ZNF516: variants seen among roughly 807,000 people sequenced by gnomAD.
ZNF516 encodes zinc finger protein 516.
Under a neutral mutation model 79.7 loss-of-function variants are expected in ZNF516, and 19 were observed. The observed-to-expected ratio is 0.24, with a 90% CI of 0.17 to 0.35. The LOEUF (loss-of-function observed/expected upper bound fraction) is 0.35, where lower values mean the gene tolerates loss of function less well. Among genes scored for constraint, ZNF516 ranks in the 10% least tolerant of loss-of-function variants. The probability of loss-of-function intolerance (pLI) is 1.00; values close to 1 mark genes in which losing one functional copy is unlikely to be tolerated. For synonymous variants in ZNF516, 877 were observed against 739.5 expected, an observed-to-expected ratio of 1.19 and a Z score of -3.02; for missense variants, 1,678 against 1,679.5, an observed-to-expected ratio of 1.00 and a Z score of 0.02.
At chr18:76,464,580 C>T (rs1913335767) in intron 1 of ZNF516, among the ~76,000 whole-genome samples, 1 of 150,998 alleles carries the variant, frequency 6.6e-6, no homozygotes, top group Non-Finnish European at 1.5e-5. Context: ...CTCCCTGGCA[C>T]CCCCAGCCTG....
At chr18:76,480,529 A>ATATTTTT (rs374464151) in intron 1 of ZNF516, among the ~76,000 whole-genome samples, 16 of 142,084 alleles carry the variant, frequency 1.1e-4, no homozygotes, top group Middle Eastern at 7.3e-3. Context: ...ACACACATAT[A>ATATTTTT]TTTTTTTTTT....
At chr18:76,414,435 T>C (rs1030706010) in intron 3 of ZNF516, among the ~76,000 whole-genome samples, 1 of 152,232 alleles carries the variant, frequency 6.6e-6, no homozygotes, top group African/African-American at 2.4e-5. Context: ...ACAGAACAAA[T>C]GCCCTCTGTC....
intron 3 of ZNF516, among the ~76,000 whole-genome samples, chr18:76,413,962 C>T (rs991170633): frequency 1.7e-4 from 26 of 152,184 alleles, no homozygotes; most frequent in African/African-American, 6.0e-4. Flanking sequence ...GATTACTAAA[C>T]AGTTCAAGAA....
chr18:76,470,831 A>G (rs562828820), intron 1 of ZNF516, among the ~76,000 whole-genome samples: 2 of 152,264 alleles, frequency 1.3e-5, no homozygotes, highest in South Asian at 2.1e-4. Flanking sequence ...TGGCTAACAC[A>G]GGGAAACCCC....
At chr18:76,492,617 G>C in intron 1 of ZNF516, 1 of 647,432 alleles carries the variant, frequency 1.5e-6, no homozygotes, top group Non-Finnish European at 1.9e-6. Flanking sequence ...TTGCCCGGGC[G>C]AGTGGGTTCC....
At chr18:76,378,770 G>A in intron 4 of ZNF516, 85 bp downstream of exon 4, 2 of 1,507,828 alleles carry the variant, frequency 1.3e-6, no homozygotes, top group Non-Finnish European at 1.8e-6. Flanking sequence ...GACATGGACA[G>A]GCAGGTGCGC....
Position 76,459,957 on chromosome 18 carries a change from C to T in ZNF516, c.-158+3071G>A, listed in dbSNP as rs188049051. 5.3e-5 allele frequency among the ~76,000 whole-genome samples: 8 copies of T among 152,302 alleles called. No individual in the cohort carries two copies. The highest frequency in any genetic ancestry group is 2.1e-4 in the South Asian group (1 of 4,826). On this transcript the variant is annotated intron_variant, in intron 2 of 6. Coordinates refer to ENST00000443185, the MANE Select transcript of ZNF516 (RefSeq NM_014643.4). This position sits in a 1 kb window ranked among gnomAD's most constrained non-coding sequence, Gnocchi z 5.0. ...GTCTCACCAGTCCCAAATAATGAAT[C>T]ATGTCCACTGCACTAGAATGCAGTC...
At chr18:76,439,802 A>G (rs1306216027) in intron 3 of ZNF516, among the ~76,000 whole-genome samples, 1 of 152,224 alleles carries the variant, frequency 6.6e-6, no homozygotes, top group Admixed American at 6.5e-5. Context: ...TTTGTCCAGC[A>G]TGTGCTCCAA....
intron 6 of ZNF516, among the ~76,000 whole-genome samples, chr18:76,367,842 A>G (rs1267838598): frequency 6.6e-6 from 1 of 152,254 alleles, no homozygotes; most frequent in Non-Finnish European, 1.5e-5. Context: ...AAATTATTAT[A>G]AAATGGAATT....
intron 2 of ZNF516, among the ~76,000 whole-genome samples, chr18:76,461,349 T>C (rs17355542): frequency 0.068 from 10,339 of 152,212 alleles, 357 homozygotes; most frequent in African/African-American, 0.093. Context: ...CAACAGGCAC[T>C]GTGAAAAACA....
intron 3 of ZNF516, among the ~76,000 whole-genome samples, chr18:76,390,595 T>G (rs1009940570): frequency 1.1e-4 from 16 of 152,294 alleles, no homozygotes; most frequent in African/African-American, 3.9e-4. Context: ...GCAGCCCAGC[T>G]GCCAGCACCA....
rs968880801 is a variant in ZNF516 at position 76,493,978 on chromosome 18, ATGAG to A, written c.-272+1162_-272+1165del. 1 of 152,198 alleles carries A rather than the reference ATGAG, an allele frequency of 6.6e-6. No homozygotes were observed. Among genetic ancestry groups the A allele is most frequent in the African/African-American group, 2.4e-5 (1 of 41,442 alleles). 9.4% of individuals were successfully genotyped at this position (152,198 alleles called of 1,614,324 possible). On this transcript the variant is annotated intron_variant, in intron 1 of 6. Coordinates refer to ENST00000443185, the MANE Select transcript of ZNF516 (RefSeq NM_014643.4). The surrounding 1 kb of genome is among the most constrained non-coding windows in gnomAD (Gnocchi z 5.2). ...GACCCGGTGACTCTTTATCAGCGGA[ATGAG>A]TAAGACACACACACAGCCCCCAGAG...
chr18:76,404,537 C>A (rs2075275497), intron 3 of ZNF516, among the ~76,000 whole-genome samples: 1 of 151,616 alleles, frequency 6.6e-6, no homozygotes, highest in African/African-American at 2.4e-5. Context: ...TGTGTGTGAA[C>A]ATGTGTGAAC....
At chr18:76,373,245 G>A (rs574074709) in intron 4 of ZNF516, among the ~76,000 whole-genome samples, 1 of 151,460 alleles carries the variant, frequency 6.6e-6, no homozygotes. Flanking sequence ...GGAAGAGGAG[G>A]GGAGCGGAGG....
rs373540251 is a variant in ZNF516 at position 76,360,646 on chromosome 18, A to AAAAAAAATATATAT, written c.*1851_*1852insATATATATTTTTTT. The AAAAAAAATATATAT allele has an allele frequency of 1.1e-4, 8 of 72,464 alleles. No individual in the cohort carries two copies. The highest frequency in any genetic ancestry group is 1.8e-4 in the African/African-American group (3 of 16,376). The allele number at this position is 72,464 out of a possible 1,614,324, so 4.5% of individuals were successfully genotyped here. ...AAAAAAATAAGTAAAAAAAAAAAAA[A>AAAAAAAATATATAT]ATATATATATATATATATATATATA... is the stretch of plus-strand genomic sequence containing the variant. On this transcript the variant is annotated 3_prime_UTR_variant, in exon 7 of 7. Coordinates refer to ENST00000443185, the MANE Select transcript of ZNF516 (RefSeq NM_014643.4).
intron 1 of ZNF516, chr18:76,487,856 A>C (rs1914918669): frequency 2.3e-6 from 2 of 855,184 alleles, no homozygotes; most frequent in Non-Finnish European, 2.8e-6. Context: ...CATTCCCGTA[A>C]TAGGCTGCTG....
At chr18:76,391,705 T>C (rs530130498) in intron 3 of ZNF516, among the ~76,000 whole-genome samples, 1 of 152,364 alleles carries the variant, frequency 6.6e-6, no homozygotes, top group East Asian at 1.9e-4. Context: ...CTACAGAACC[T>C]GTACTAAAAT....
rs774176246 is a variant in ZNF516, at chr18:76,379,283, G to A, written c.2831C>T (p.Ser944Leu). The A allele has an allele frequency of 1.1e-5, 18 of 1,611,344 alleles. No individual in the cohort carries two copies. The highest frequency in any genetic ancestry group is 1.6e-4 in the Middle Eastern group (1 of 6,070). ...CTTCTCCACAGGCTTGCTATTGGCC[G>A]AGGGCTGCGCGCCAGCCCGGGCGAT... is the stretch of plus-strand genomic sequence containing the variant. ...TVIARAGAQP[S>L]ANSKPVEKFG... Residue 944 changes from serine to leucine, a missense_variant, in exon 4 of 7, where the codon TCG (serine) becomes TTG (leucine). By Grantham distance (145) the Ser-to-Leu change is moderately radical. This residue lies in a region of ZNF516 where 1,294 missense variants were observed against 1,248.3 expected (regional missense o/e 1.04). Transcript: ENST00000443185.
chr18:76,413,797 T>G (rs896390722), intron 3 of ZNF516, among the ~76,000 whole-genome samples: 2 of 152,234 alleles, frequency 1.3e-5, no homozygotes, highest in African/African-American at 4.8e-5. Context: ...CCAATAATAT[T>G]GGTGAACAAG....
Sources: allele counts gnomAD v4.1 joint callset (sites outside exome capture counted in the v4.1 genomes callset), GRCh38; gene constraint gnomAD v4.1.1; regional missense constraint gnomAD v4.1.1; non-coding constraint Gnocchi (gnomAD v3.1); transcripts MANE v1.5; gene names NCBI Gene and HGNC (gene_info 2026-07-23, HGNC 2026-07-21).